Variants in LSM4 observed in about 807,000 individuals in gnomAD.
LSM4 encodes LSM4 homolog, U6 small nuclear RNA and mRNA degradation associated, also known as U6 snRNA-associated Sm-like protein LSm4.
Under a neutral mutation model 22.3 loss-of-function variants are expected in LSM4, and 15 were observed. The ratio of observed to expected loss-of-function variants is 0.67; its 90% CI spans 0.45 to 1.03. The LOEUF (loss-of-function observed/expected upper bound fraction) is 1.03. Ranked by LOEUF, LSM4 falls within the 50% of genes least tolerant of loss-of-function variation. The pLI is 0.00. For missense variants in LSM4, 127 were observed against 198.0 expected (o/e 0.64, Z 2.15); for synonymous variants, 90 against 79.8 (o/e 1.13, Z -0.68).
At chr19:18,318,440 T>C (rs1970384181) in intron 1 of LSM4, among the ~76,000 whole-genome samples, 1 of 152,336 alleles carries the variant, frequency 6.6e-6, no homozygotes, top group African/African-American at 2.4e-5. Context: ...CCGGGGCAGC[T>C]GCTAGGAGAG....
chr19:18,311,098 C>T lies in LSM4; in HGVS notation c.145-1237G>A, dbSNP rs554910757. Among the ~76,000 whole-genome samples, 7 of 152,256 alleles carry T rather than the reference C, an allele frequency of 4.6e-5. No homozygotes were observed. In the South Asian group the frequency reaches 8.3e-4, roughly 18 times the overall value. On this transcript the variant is annotated intron_variant, in intron 3 of 4. Coordinates refer to ENST00000593829, the MANE Select transcript of LSM4 (RefSeq NM_012321.5). ...CTCTCCCAGGAACCCCTCGAGGGCT[C>T]GTGGGGCGGACACACCATGGTTCTG...
rs1600162213 is a variant in LSM4 at position 18,307,260 on chromosome 19, A to G, written c.*204T>C. 1 of 441,424 alleles carries G rather than the reference A, an allele frequency of 2.3e-6. No individual in the cohort carries two copies. Among genetic ancestry groups the G allele is most frequent in the East Asian group, 3.6e-5 (1 of 28,094 alleles). 27.3% of individuals were successfully genotyped at this position (441,424 alleles called of 1,614,324 possible). A position where few individuals can be genotyped will look rare whatever the true frequency, so the allele number is the denominator to read the frequency against. On this transcript the variant is annotated 3_prime_UTR_variant, in exon 5 of 5. Transcript: ENST00000593829. ...TTTGGGACGGCCGTTTCACAAAACCAAAAAACACCAAGTAACATTTCTAAC... is the reference window on the plus strand; with the variant it reads ...TTTGGGACGGCCGTTTCACAAAACCGAAAAACACCAAGTAACATTTCTAAC...
intron 3 of LSM4, among the ~76,000 whole-genome samples, chr19:18,310,709 T>G (rs1439318581): frequency 6.6e-6 from 1 of 152,086 alleles, no homozygotes; most frequent in African/African-American, 2.4e-5. Context: ...CGATGCCCTT[T>G]AAAGTCAGAT....
intron 2 of LSM4, among the ~76,000 whole-genome samples, chr19:18,313,912 C>T (rs908853025): frequency 1.1e-4 from 16 of 152,080 alleles, no homozygotes; most frequent in African/African-American, 3.1e-4. Flanking sequence ...TTCTGCCTCC[C>T]GGGTTCAAGT....
intron 3 of LSM4, among the ~76,000 whole-genome samples, chr19:18,311,607 G>A (rs1970299212): frequency 6.6e-6 from 1 of 152,154 alleles, no homozygotes; most frequent in Non-Finnish European, 1.5e-5. Flanking sequence ...CCGCAGATGG[G>A]AGGCACGCGG....
chr19:18,315,979 C>T (rs1166951452), intron 2 of LSM4, 45 bp downstream of exon 2: 4 of 1,598,756 alleles, frequency 2.5e-6, no homozygotes, highest in Non-Finnish European at 3.4e-6. Flanking sequence ...TGTGCTGAGG[C>T]TGGCCCCCTC....
chr19:18,310,547 C>T (rs1970287312), intron 3 of LSM4, among the ~76,000 whole-genome samples: 1 of 152,208 alleles, frequency 6.6e-6, no homozygotes, highest in Non-Finnish European at 1.5e-5. Context: ...AAGACACAGA[C>T]TCATGCTGCA....
intron 4 of LSM4, among the ~76,000 whole-genome samples, chr19:18,307,949 G>C (rs915413609): frequency 1.3e-5 from 2 of 149,520 alleles, no homozygotes; most frequent in African/African-American, 4.9e-5. Flanking sequence ...CTCCCTGGCG[G>C]GGGGGGGGCC....
At chr19:18,316,865 C>T (rs535288017) in intron 1 of LSM4, among the ~76,000 whole-genome samples, 1 of 152,318 alleles carries the variant, frequency 6.6e-6, no homozygotes, top group East Asian at 1.9e-4. Context: ...CCAAGACTGA[C>T]ACTGCCAGGC....
Position 18,312,830 on chromosome 19 carries a change from C to A in LSM4, c.46-128G>T, listed in dbSNP as rs1221401232. Reference sequence around the variant, plus strand: ...GCCTCAGCCCACAGTTCCCAGACCCCTAAATGGCCTTCCTTACAGGCGACA... The same window carrying A: ...GCCTCAGCCCACAGTTCCCAGACCCATAAATGGCCTTCCTTACAGGCGACA... On this transcript the variant is annotated intron_variant, in intron 2 of 4. Transcript: ENST00000593829. 5.9e-6 allele frequency: 4 copies of A among 682,872 alleles called. No homozygotes were observed. In the African/African-American group the frequency reaches 7.2e-5, roughly 12 times the overall value. 42.3% of individuals were successfully genotyped at this position (682,872 alleles called of 1,614,324 possible).
chr19:18,315,331 G>A (rs1970343048), intron 2 of LSM4, among the ~76,000 whole-genome samples: 1 of 151,950 alleles, frequency 6.6e-6, no homozygotes, highest in Admixed American at 6.6e-5. Context: ...TATATTTTAT[G>A]GAGAGACGTG....
chr19:18,321,797 G>A (rs116461727), intron 1 of LSM4, among the ~76,000 whole-genome samples: 13,812 of 151,974 alleles, frequency 0.091, 749 homozygotes, highest in African/African-American at 0.13. Context: ...CCAGTCCTGC[G>A]ATCCCACCCA....
chr19:18,313,270 A>C (rs1451918368), intron 2 of LSM4, among the ~76,000 whole-genome samples: 1 of 152,138 alleles, frequency 6.6e-6, no homozygotes, highest in African/African-American at 2.4e-5. Context: ...TAAGAAACAC[A>C]GAAATGTTTA....
chr19:18,310,137 C>T (rs1227578025), intron 3 of LSM4: 29 of 455,630 alleles, frequency 6.4e-5, no homozygotes, highest in South Asian at 3.5e-4. Flanking sequence ...ATCCTCTGCC[C>T]GTGGGCCTGG....
intron 1 of LSM4, among the ~76,000 whole-genome samples, chr19:18,319,348 G>A (rs946959556): frequency 3.9e-5 from 6 of 152,160 alleles, no homozygotes; most frequent in African/African-American, 1.4e-4. Context: ...CGGATCACGA[G>A]GTCAGGAGTT....
chr19:18,309,699 C>T lies in LSM4; in HGVS notation c.307G>A (p.Gly103Ser), dbSNP rs2232970. ...CCACCTCGGCCAGCGCCGCCCATGC[C>T]GCGGCCTTTCTGCTGCTTCTGCTGC... ...LQQQKQQKGR[G>S]MGGAGRGVFG... is the part of the protein sequence containing the mutation. The change falls in exon 4 of 5, where the codon GGC (glycine) becomes AGC (serine). Residue 103 changes from glycine (G) to serine (S), a missense_variant. Physicochemically the swap from Gly to Ser is moderately conservative, Grantham distance 56 (BLOSUM62 0). Coordinates refer to ENST00000593829, the MANE Select transcript of LSM4 (RefSeq NM_012321.5). 12 of 1,608,870 alleles carry T rather than the reference C, an allele frequency of 7.5e-6. No homozygotes were observed. Among genetic ancestry groups the T allele is most frequent in the Non-Finnish European group, 9.3e-6 (11 of 1,178,294 alleles).
At chr19:18,322,400 T>G (rs891219075) in intron 1 of LSM4, among the ~76,000 whole-genome samples, 6 of 152,016 alleles carry the variant, frequency 3.9e-5, no homozygotes, top group African/African-American at 1.2e-4. Context: ...GGGCCGCAAT[T>G]TTTCCTTCTT....
chr19:18,322,013 G>A (rs1970429880), intron 1 of LSM4, among the ~76,000 whole-genome samples: 2 of 152,180 alleles, frequency 1.3e-5, no homozygotes, highest in Admixed American at 1.3e-4. Flanking sequence ...GGCTCTGTGT[G>A]AAATACTCTT....
At chr19:18,317,000 G>C (rs1289378849) in intron 1 of LSM4, among the ~76,000 whole-genome samples, 1 of 152,062 alleles carries the variant, frequency 6.6e-6, no homozygotes, top group African/African-American at 2.4e-5. Flanking sequence ...CGCATCTGTA[G>C]TCCCAGCTAC....
Sources: gnomAD v4.1 joint callset for allele counts (sites outside exome capture counted in the v4.1 genomes callset) on GRCh38, gnomAD v4.1.1 for gene constraint, MANE v1.5 for transcripts, NCBI Gene and HGNC (gene_info 2026-07-23, HGNC 2026-07-21) for gene names.